Variants in ADGRG2 observed in about 807,000 individuals in gnomAD.
ADGRG2 encodes G protein-coupled receptor 64.
Under a neutral mutation model 74.1 loss-of-function variants are expected in ADGRG2, and 26 were observed. The ratio of observed to expected loss-of-function variants is 0.35; its 90% CI spans 0.26 to 0.49. The LOEUF is 0.49. Ranked by LOEUF, ADGRG2 falls within the 20% of genes least tolerant of loss-of-function variation. The probability of loss-of-function intolerance (pLI) is 0.99; values close to 1 mark genes in which losing one functional copy is unlikely to be tolerated. For missense variants in ADGRG2, 619 were observed against 763.1 expected, an observed-to-expected ratio of 0.81 and a Z score of 2.22; for synonymous variants, 296 against 295.2, an observed-to-expected ratio of 1.00 and a Z score of -0.03.
chrX:19,047,969 C>G (rs918046942), intron 3 of ADGRG2, among the ~76,000 whole-genome samples: 4 of 111,450 alleles, frequency 3.6e-5, no homozygotes, highest in African/African-American at 1.3e-4. Flanking sequence ...AAAAAAACTT[C>G]GGCTCTTAGC....
At chrX:19,048,442 A>C (rs956790352) in intron 3 of ADGRG2, among the ~76,000 whole-genome samples, 5 of 111,719 alleles carry the variant, frequency 4.5e-5, no homozygotes, top group African/African-American at 1.6e-4. Flanking sequence ...AAGAGCAGTC[A>C]AGTAACTTGC....
intron 28 of ADGRG2, among the ~76,000 whole-genome samples, chrX:18,993,614 G>A (rs373561456): frequency 1.3e-4 from 14 of 106,563 alleles, no homozygotes; most frequent in African/African-American, 4.5e-4. Context: ...CTGGGAGGTC[G>A]AGGCTGCAGT....
At chrX:19,026,747 CG>C (rs1250105123) in intron 11 of ADGRG2, among the ~76,000 whole-genome samples, 2 of 111,055 alleles carry the variant, frequency 1.8e-5, no homozygotes, top group African/African-American at 6.6e-5. Flanking sequence ...CCACCTGCCT[CG>C]GCCTCCAAAA....
intron 13 of ADGRG2, among the ~76,000 whole-genome samples, chrX:19,022,666 G>A (rs1399933387): frequency 8.9e-6 from 1 of 111,873 alleles, no homozygotes; most frequent in African/African-American, 3.3e-5. Flanking sequence ...CTGTGTGCAT[G>A]TGCTTCTTAA....
At chrX:19,033,468 C>T in intron 8 of ADGRG2, 145 bp downstream of exon 8, 1 of 396,425 alleles carries the variant, frequency 2.5e-6, no homozygotes. Flanking sequence ...TTTCAGGTAC[C>T]CAGTGCATAC....
At chrX:19,095,493 C>A (rs2062080939) in intron 1 of ADGRG2, among the ~76,000 whole-genome samples, 1 of 111,683 alleles carries the variant, frequency 9.0e-6, no homozygotes, top group Admixed American at 9.6e-5. Context: ...GCCACTCTCT[C>A]AAGGCAGCTC....
In ADGRG2 at chrX:19,019,657, A is replaced by C; in HGVS notation, c.652T>G (p.Cys218Gly). 1.0e-5 allele frequency: 12 copies of C among 1,153,270 alleles called. No homozygotes were observed. Among genetic ancestry groups the C allele is most frequent in the Non-Finnish European group, 1.2e-5 (10 of 843,570 alleles). Residue 218 changes from cysteine to glycine, a missense_variant, in exon 15 of 29, where the codon TGC becomes GGC. By Grantham distance (159) the Cys-to-Gly change is radical. Transcript: ENST00000379869. ...GGGCAGGGTATCCTGACAGAACAGC[A>C]GCAGTGTTCTAGGAGAGACAAAAGG... ...RVKIRPMEHC[C>G]CSVRIPCPSS...
intron 1 of ADGRG2, among the ~76,000 whole-genome samples, chrX:19,104,991 T>C (rs758230107): frequency 7.3e-4 from 78 of 106,360 alleles, no homozygotes; most frequent in Middle Eastern, 5.2e-3. Context: ...CCCAGCACAT[T>C]AGGAGGCCGA....
intron 2 of ADGRG2, among the ~76,000 whole-genome samples, chrX:19,081,668 A>C (rs2061848378): frequency 8.9e-6 from 1 of 112,350 alleles, no homozygotes. Context: ...TTATCATGTA[A>C]GTTATAATGG....
At chrX:19,097,126 T>C (rs1441158123) in intron 1 of ADGRG2, among the ~76,000 whole-genome samples, 2 of 112,230 alleles carry the variant, frequency 1.8e-5, no homozygotes, top group African/African-American at 6.5e-5. Flanking sequence ...TTCTTTCCGC[T>C]CCCACTTGAT....
At chrX:19,032,021 T>C (rs1166453785) in intron 8 of ADGRG2, 3 of 112,450 alleles carry the variant, frequency 2.7e-5, no homozygotes, top group Non-Finnish European at 5.6e-5. Context: ...GTCAGAATTA[T>C]GTGTGCAATG....
intron 19 of ADGRG2, 114 bp from the exon 20 acceptor site, chrX:19,007,471 C>T (rs888140693): frequency 1.4e-6 from 1 of 703,028 alleles, no homozygotes; most frequent in Non-Finnish European, 2.1e-6. Context: ...GGTCAGAAAT[C>T]GAGGGACAAG....
intron 1 of ADGRG2, among the ~76,000 whole-genome samples, chrX:19,096,410 T>TA (rs756410342): frequency 0.23 from 17,386 of 75,094 alleles, 1,873 homozygotes; most frequent in African/African-American, 0.3. Context: ...AGACTCTATC[T>TA]AAAAAAAAAA....
At chrX:19,112,352 C>A (rs886719457) in intron 1 of ADGRG2, among the ~76,000 whole-genome samples, 1 of 110,866 alleles carries the variant, frequency 9.0e-6, no homozygotes, top group African/African-American at 3.3e-5. Context: ...GGATTACAGG[C>A]GTGAGCCACC....
chrX:19,067,720 A>T (rs906856385), intron 3 of ADGRG2, among the ~76,000 whole-genome samples: 1 of 112,247 alleles, frequency 8.9e-6, no homozygotes, highest in Non-Finnish European at 1.9e-5. Context: ...AATGGGAGAA[A>T]ATATTTGTAA....
intron 1 of ADGRG2, among the ~76,000 whole-genome samples, chrX:19,096,946 C>T (rs1175655239): frequency 8.9e-6 from 1 of 112,385 alleles, no homozygotes; most frequent in African/African-American, 3.2e-5. Context: ...TAACTGCTTC[C>T]GGGCACCAGG....
intron 19 of ADGRG2, 29 bp downstream of exon 19, chrX:19,007,951 A>G: frequency 8.5e-7 from 1 of 1,178,444 alleles, no homozygotes; most frequent in Non-Finnish European, 1.1e-6. Context: ...AATAAAGCCC[A>G]AGCCAAAAGC....
chrX:19,094,607 T>C (rs971558815), intron 1 of ADGRG2, among the ~76,000 whole-genome samples: 1 of 112,511 alleles, frequency 8.9e-6, no homozygotes, highest in Non-Finnish European at 1.9e-5. Flanking sequence ...TTCCCATCAG[T>C]GTTCCTACTG....
rs2061607600 is a variant in ADGRG2, at chrX:19,068,767, A to G, written c.68T>C (p.Ile23Thr). Residue 23 changes from isoleucine (I) to threonine (T), a missense_variant, in exon 3 of 29, where the codon ATA (isoleucine) becomes ACA (threonine). Transcript: ENST00000379869. The part of the protein sequence containing the change: ...RTEEVLLTFK[I>T]FLVIICLHVV... ...ATGAAGACAAATGATGACAAGGAAT[A>G]TCTTGAACGTCAGTAAAACTTCTTC... 1.7e-6 allele frequency: 2 copies of G among 1,162,824 alleles called. No individual in the cohort carries two copies. Among genetic ancestry groups the G allele is most frequent in the Non-Finnish European group, 2.3e-6 (2 of 854,469 alleles).
Sources: allele counts gnomAD v4.1 joint callset (sites outside exome capture counted in the v4.1 genomes callset), GRCh38; gene constraint gnomAD v4.1.1; transcripts MANE v1.5; gene names NCBI Gene and HGNC (gene_info 2026-07-23, HGNC 2026-07-21).